SH2D4A: variants seen among roughly 807,000 people sequenced by gnomAD.
The protein encoded by SH2D4A is SH2 domain containing 4A.
Under a neutral mutation model 64.7 loss-of-function variants are expected in SH2D4A, and 70 were observed. That is an observed-to-expected ratio of 1.08 (90% CI 0.89 to 1.32). The LOEUF is 1.32. SH2D4A is among the 40% of genes most tolerant of loss of function. The pLI is 0.00. For synonymous variants in SH2D4A, 268 were observed against 200.7 expected (o/e 1.34, Z -2.83); for missense variants, 706 against 540.1 (o/e 1.31, Z -3.04).
intron 8 of SH2D4A, chr8:19,375,719 G>C (rs1346304857): frequency 6.6e-6 from 1 of 152,082 alleles, no homozygotes; most frequent in African/African-American, 2.4e-5. Flanking sequence ...TGTTTCAAAA[G>C]TGCCAAAAGA....
chr8:19,380,670 A>G (rs2053278184), intron 8 of SH2D4A, among the ~76,000 whole-genome samples: 1 of 152,260 alleles, frequency 6.6e-6, no homozygotes, highest in African/African-American at 2.4e-5. Context: ...TTTGTCAAAA[A>G]TCATTTGACC....
At position 19,333,203 on chromosome 8, in the gene SH2D4A, T is replaced by C. The variant is rs577727544; in HGVS notation, c.341+89T>C. ...CACACCTCTTGCTCACAGTATCAGG[T>C]GGGAGAGTAGGGTTGGGTTGGAGGG... On this transcript the variant is annotated intron_variant, in intron 3 of 9. Transcript: ENST00000265807. The C allele has an allele frequency of 7.6e-6, 11 of 1,442,872 alleles. No individual in the cohort carries two copies. In the East Asian group the frequency reaches 2.3e-4, roughly 31 times the overall value. The allele number at this position is 1,442,872 out of a possible 1,614,324, so 89.4% of individuals were successfully genotyped here.
intron 8 of SH2D4A, among the ~76,000 whole-genome samples, chr8:19,379,276 T>C (rs1416211197): frequency 6.6e-6 from 1 of 152,218 alleles, no homozygotes; most frequent in Non-Finnish European, 1.5e-5. Context: ...AGTATTTGTC[T>C]TTCTGTGAGT....
At chr8:19,325,659 C>T (rs1050590880) in intron 2 of SH2D4A, among the ~76,000 whole-genome samples, 4 of 152,316 alleles carry the variant, frequency 2.6e-5, no homozygotes, top group Non-Finnish European at 4.4e-5. Context: ...AGCGGAGGTT[C>T]TCTCGTTTCT....
At chr8:19,353,260 C>T (rs2052735323) in intron 4 of SH2D4A, among the ~76,000 whole-genome samples, 1 of 152,016 alleles carries the variant, frequency 6.6e-6, no homozygotes, top group Admixed American at 6.6e-5. Context: ...TTTGAAAAGC[C>T]TCTTCATCCT....
At chr8:19,385,635 C>T (rs1213780605) in intron 8 of SH2D4A, among the ~76,000 whole-genome samples, 8 of 152,144 alleles carry the variant, frequency 5.3e-5, no homozygotes, top group African/African-American at 1.9e-4. Context: ...AATCCTGTGT[C>T]CCACTCCTCC....
At chr8:19,325,213 C>G (rs190992592) in intron 2 of SH2D4A, among the ~76,000 whole-genome samples, 2 of 152,270 alleles carry the variant, frequency 1.3e-5, no homozygotes, top group Admixed American at 6.5e-5. Flanking sequence ...CACCTAGTCT[C>G]TGATGCCTTG....
At chr8:19,334,645 G>T (rs754169469) in intron 3 of SH2D4A, 41 bp from the exon 4 acceptor site, 2 of 1,558,472 alleles carry the variant, frequency 1.3e-6, no homozygotes, top group African/African-American at 1.4e-5. Context: ...TCTTCCTGTT[G>T]AAGAATGTTT....
At chr8:19,361,124 G>A (rs1460229371) in intron 5 of SH2D4A, 79 bp from the exon 6 acceptor site, 1 of 760,248 alleles carries the variant, frequency 1.3e-6, no homozygotes, top group African/African-American at 1.8e-5. Context: ...CGTCCTTCAG[G>A]AAACTGCTGG....
At chr8:19,365,263 T>C (rs2052973370) in intron 7 of SH2D4A, among the ~76,000 whole-genome samples, 1 of 152,164 alleles carries the variant, frequency 6.6e-6, no homozygotes, top group South Asian at 2.1e-4. Flanking sequence ...CTACTTACTC[T>C]ACTGGAAAGT....
chr8:19,367,833 T>C (rs1018304059), intron 7 of SH2D4A, among the ~76,000 whole-genome samples: 1 of 152,078 alleles, frequency 6.6e-6, no homozygotes, highest in African/African-American at 2.4e-5. Context: ...CCCAGCACTT[T>C]GGGAGGCTGG....
At chr8:19,344,837 T>G (rs780660614) in intron 4 of SH2D4A, among the ~76,000 whole-genome samples, 6 of 152,206 alleles carry the variant, frequency 3.9e-5, no homozygotes, top group Non-Finnish European at 5.9e-5. Context: ...ATATAATGCC[T>G]CCCAGCAAGG....
At chr8:19,359,126 A>G (rs1444841270) in intron 5 of SH2D4A, among the ~76,000 whole-genome samples, 2 of 152,240 alleles carry the variant, frequency 1.3e-5, no homozygotes, top group Non-Finnish European at 2.9e-5. Context: ...ACGCAGGACA[A>G]GTTCCTTACG....
chr8:19,349,569 C>T (rs551008410), intron 4 of SH2D4A, among the ~76,000 whole-genome samples: 2 of 152,242 alleles, frequency 1.3e-5, no homozygotes, highest in South Asian at 2.1e-4. Context: ...ATTCCTGAGT[C>T]GGGAGATTTG....
chr8:19,349,966 A>T (rs542770000), intron 4 of SH2D4A, among the ~76,000 whole-genome samples: 36 of 152,318 alleles, frequency 2.4e-4, no homozygotes, highest in South Asian at 2.3e-3. Context: ...GGCCTCCCAA[A>T]GTGCTGGCAT....
intron 2 of SH2D4A, among the ~76,000 whole-genome samples, chr8:19,328,336 G>A (rs569487588): frequency 1.4e-4 from 22 of 151,992 alleles, no homozygotes; most frequent in African/African-American, 3.9e-4. Context: ...TAAAAATAAC[G>A]TAGTCTACGC....
Position 19,370,060 on chromosome 8 carries a change from G to T in SH2D4A, c.918-3470G>T, listed in dbSNP as rs563688143. Reference sequence around the variant, plus strand: ...TTTTGGTTTCTGAAATTTATTTATTGACCCATTGGTTGTTCAGGTGCATGT... The same window carrying T: ...TTTTGGTTTCTGAAATTTATTTATTTACCCATTGGTTGTTCAGGTGCATGT... On this transcript the variant is annotated intron_variant, in intron 7 of 9. Coordinates refer to ENST00000265807, the MANE Select transcript of SH2D4A (RefSeq NM_022071.4). Among the ~76,000 whole-genome samples, 3 of 151,984 alleles carry T rather than the reference G, an allele frequency of 2.0e-5. No homozygotes were observed. In the East Asian group the frequency reaches 5.8e-4, roughly 29 times the overall value.
chr8:19,361,035 C>T lies in SH2D4A; in HGVS notation c.595-168C>T, dbSNP rs2052875690. On this transcript the variant is annotated intron_variant, in intron 5 of 9. Transcript: ENST00000265807. ...AGCAATGGTCAGTCTTACTTCAGGT[C>T]TTACTGACTCCAAAGTCCACACTTG... is the stretch of plus-strand genomic sequence containing the variant. The T allele has an allele frequency of 2.2e-5, 10 of 461,190 alleles. No homozygotes were observed. In the South Asian group the frequency reaches 2.4e-4, roughly 11 times the overall value. The allele number at this position is 461,190 out of a possible 1,614,324, so 28.6% of individuals were successfully genotyped here.
chr8:19,334,544 C>T, intron 3 of SH2D4A, 142 bp from the exon 4 acceptor site: 1 of 820,704 alleles, frequency 1.2e-6, no homozygotes, highest in Non-Finnish European at 1.8e-6. Context: ...ACACACCTAG[C>T]AAAGGGCCCA....
Sources: gnomAD v4.1 joint callset for allele counts (sites outside exome capture counted in the v4.1 genomes callset) on GRCh38, gnomAD v4.1.1 for gene constraint, MANE v1.5 for transcripts, NCBI Gene and HGNC (gene_info 2026-07-23, HGNC 2026-07-21) for gene names.